SYMPK: variants seen among roughly 807,000 people sequenced by gnomAD.
The protein encoded by SYMPK is symplekin scaffold protein, also known as symplekin.
In SYMPK, 49 loss-of-function variants were observed where a neutral mutation model predicts 136.4. That is an observed-to-expected ratio of 0.36 (90% CI 0.29 to 0.46). SYMPK has a LOEUF of 0.46. Among genes scored for constraint, SYMPK ranks in the 20% least tolerant of loss-of-function variants. SYMPK has a pLI of 1.00. For missense variants in SYMPK, 1,365 were observed against 1,690.0 expected (o/e 0.81, Z 3.37); for synonymous variants, 766 against 713.0 (o/e 1.07, Z -1.19).
chr19:45,850,796 A>G (rs918403738), intron 5 of SYMPK, among the ~76,000 whole-genome samples: 12 of 152,228 alleles, frequency 7.9e-5, no homozygotes, highest in African/African-American at 1.2e-4. Context: ...CACAGAGCTG[A>G]TATTTTGCGG....
rs1210436548 is a variant in SYMPK, at chr19:45,825,243, G to A, written c.2418C>T (p.His806=). The A allele has an allele frequency of 2.0e-5, 32 of 1,614,084 alleles. No homozygotes were observed. The East Asian group carries it at 6.5e-4, about 33-fold the overall frequency. ...ALLPQNHKLI[H]ELAAVYTEAI... Reference sequence around the variant, plus strand: ...CTTCAGTGTACACGGCCGCCAGTTCGTGGATCAGCTTGTGGTTCTGAGGCA... The same window carrying A: ...CTTCAGTGTACACGGCCGCCAGTTCATGGATCAGCTTGTGGTTCTGAGGCA... Residue 806 remains histidine (H), a synonymous_variant, in exon 18 of 27, where the codon CAC becomes CAT. Transcript: ENST00000245934.
At chr19:45,857,978 T>C (rs1256479440) in intron 1 of SYMPK, among the ~76,000 whole-genome samples, 1 of 151,958 alleles carries the variant, frequency 6.6e-6, no homozygotes, top group East Asian at 1.9e-4. Context: ...TTTGTATTTT[T>C]AGTAGAGACG....
Position 45,836,104 on chromosome 19 carries a change from C to A in SYMPK, c.1243-876G>T, listed in dbSNP as rs539500323. ...TTATTTATTTATTTATTTTTTGGGA[C>A]GGAATCTCACTCTGTCCCCCAGGCT... is the stretch of plus-strand genomic sequence containing the variant. On this transcript the variant is annotated intron_variant, in intron 10 of 26. Transcript: ENST00000245934. Among the ~76,000 whole-genome samples the A allele has an allele frequency of 3.3e-4, 50 of 151,548 alleles. No individual in the cohort carries two copies. The South Asian group carries it at 0.01, about 31-fold the overall frequency.
intron 22 of SYMPK, 120 bp from the exon 23 acceptor site, chr19:45,818,266 A>G (rs1970802023): frequency 9.0e-7 from 1 of 1,107,114 alleles, no homozygotes. Flanking sequence ...TGACTTCTAA[A>G]GCCCCTGCGG....
intron 7 of SYMPK, 115 bp from the exon 8 acceptor site, chr19:45,844,315 G>C (rs1177583063): frequency 2.5e-6 from 2 of 799,946 alleles, no homozygotes; most frequent in Non-Finnish European, 3.7e-6. Context: ...GTCTATGAAT[G>C]GCGGGAAAAA....
rs111954301 is a variant in SYMPK at position 45,822,494 on chromosome 19, G to T, written c.2791+262C>A. On this transcript the variant is annotated intron_variant, in intron 21 of 26. Transcript: ENST00000245934. ...CCGGGCCTGAGAGGGGCTGGTGTGT[G>T]GCCAGATCCTAAAAGGGAAGATGCT... Among the ~76,000 whole-genome samples the T allele has an allele frequency of 7.0e-3, 1,059 of 152,310 alleles. 11 individuals carry two copies. Among genetic ancestry groups the T allele is most frequent in the Middle Eastern group, 0.014 (4 of 294 alleles).
Position 45,830,069 on chromosome 19 carries a change from G to A in SYMPK, c.1734C>T (p.Cys578=), listed in dbSNP as rs769914276. 1 of 1,554,300 alleles carries A rather than the reference G, an allele frequency of 6.4e-7. No homozygotes were observed. The highest frequency in any genetic ancestry group is 8.7e-7 in the Non-Finnish European group (1 of 1,147,830). Reference sequence around the variant, plus strand: ...AGGCGCACACCTGGGCTGCCCCGCTGCAGGCCACAGCCTTCTCAGCCCGCA... The same window carrying A: ...AGGCGCACACCTGGGCTGCCCCGCTACAGGCCACAGCCTTCTCAGCCCGCA... The part of the protein sequence containing the change: ...RILRAEKAVA[C]SGAAQVRIKI... Residue 578 remains cysteine, a synonymous_variant, in exon 13 of 27, where the codon TGC becomes TGT. Coordinates refer to ENST00000245934, the MANE Select transcript of SYMPK (RefSeq NM_004819.3).
At chr19:45,831,310 C>G in intron 12 of SYMPK, 74 bp downstream of exon 12, 1 of 1,283,294 alleles carries the variant, frequency 7.8e-7, no homozygotes, top group African/African-American at 1.5e-5. Context: ...CGCACACGCA[C>G]ACGCACACGA....
intron 1 of SYMPK, among the ~76,000 whole-genome samples, chr19:45,857,474 C>T (rs1971854744): frequency 2.1e-5 from 3 of 145,930 alleles, no homozygotes; most frequent in Admixed American, 2.1e-4. Context: ...AAACAATAAT[C>T]TGAGGACGGT....
rs1971173775 is a variant in SYMPK, at chr19:45,831,521, G to T, written c.1461C>A (p.Val487=). 11 of 1,611,544 alleles carry T rather than the reference G, an allele frequency of 6.8e-6. No homozygotes were observed. The highest frequency in any genetic ancestry group is 9.3e-6 in the Non-Finnish European group (11 of 1,179,126). ...GGGCTGACAGGCGCCGCTTGATCAG[G>T]ACGCTCTCTGTCTTCACCACCTTCT... ...KEEKVVKTES[V]LIKRRLSAQG... is the part of the protein sequence containing the mutation. Residue 487 remains valine, a synonymous_variant, in exon 12 of 27, where the codon GTC becomes GTA. Coordinates refer to ENST00000245934, the MANE Select transcript of SYMPK (RefSeq NM_004819.3).
rs1444844736 is a variant in SYMPK, at chr19:45,823,359, T to G, written c.2700+13A>C. 3 of 1,613,316 alleles carry G rather than the reference T, an allele frequency of 1.9e-6. No homozygotes were observed. Among genetic ancestry groups the G allele is most frequent in the Non-Finnish European group, 2.5e-6 (3 of 1,179,632 alleles). On this transcript the variant is annotated intron_variant, in intron 20 of 26. Coordinates refer to ENST00000245934, the MANE Select transcript of SYMPK (RefSeq NM_004819.3). ...CCCAGGTAGCAGGGACAAACAGGCCTCCAGCTCCATACCTTCTCCAGCCCA... is the reference window on the plus strand; with the variant it reads ...CCCAGGTAGCAGGGACAAACAGGCCGCCAGCTCCATACCTTCTCCAGCCCA...
Position 45,815,505 on chromosome 19 carries a change from G to A in SYMPK, c.*55C>T, listed in dbSNP as rs1970702012. 1.1e-6 allele frequency: 1 copy of A among 947,194 alleles called. No individual in the cohort carries two copies. Among genetic ancestry groups the A allele is most frequent in the Non-Finnish European group, 1.5e-6 (1 of 684,902 alleles). The allele number at this position is 947,194 out of a possible 1,614,324, so 58.7% of individuals were successfully genotyped here. Reference sequence around the variant, plus strand: ...GCAAAGCACCCGCAGGTCAAGCCCCGCCCCGTCCCCCAGCCCCGAGTCCCT... The same window carrying A: ...GCAAAGCACCCGCAGGTCAAGCCCCACCCCGTCCCCCAGCCCCGAGTCCCT... On this transcript the variant is annotated 3_prime_UTR_variant, in exon 27 of 27. Coordinates refer to ENST00000245934, the MANE Select transcript of SYMPK (RefSeq NM_004819.3).
intron 16 of SYMPK, among the ~76,000 whole-genome samples, chr19:45,827,227 A>G (rs1971062215): frequency 6.6e-6 from 1 of 152,242 alleles, no homozygotes; most frequent in Non-Finnish European, 1.5e-5. Flanking sequence ...CGGGTGGACT[A>G]AGAGCGAGAG....
chr19:45,827,253 C>T (rs1467123026), intron 16 of SYMPK, among the ~76,000 whole-genome samples: 1 of 152,230 alleles, frequency 6.6e-6, no homozygotes, highest in East Asian at 1.9e-4. Context: ...CTGCCCTTCC[C>T]AGGAGGGCAA....
chr19:45,821,618 G>A lies in SYMPK; in HGVS notation c.2792-133C>T. The A allele has an allele frequency of 1.5e-6, 1 of 665,558 alleles. No individual in the cohort carries two copies. The highest frequency in any genetic ancestry group is 2.6e-6 in the Non-Finnish European group (1 of 378,730). 41.2% of individuals were successfully genotyped at this position (665,558 alleles called of 1,614,324 possible). On this transcript the variant is annotated intron_variant, in intron 21 of 26. Transcript: ENST00000245934. This position sits in a 1 kb window ranked among gnomAD's most constrained non-coding sequence, Gnocchi z 4.4. ...CTCTGCTTTCAGGGCTGGAACAGGG[G>A]AAGCGACTGACAACATAAAAAGGGG...
chr19:45,843,619 C>T (rs570822196), intron 8 of SYMPK, among the ~76,000 whole-genome samples: 38 of 152,212 alleles, frequency 2.5e-4, no homozygotes, highest in African/African-American at 6.7e-4. Context: ...GACTAGCGCT[C>T]GGGGTCCACC....
intron 7 of SYMPK, among the ~76,000 whole-genome samples, chr19:45,846,888 G>T (rs918921780): frequency 6.6e-6 from 1 of 151,784 alleles, no homozygotes; most frequent in Non-Finnish European, 1.5e-5. Context: ...CTGCCTCCTG[G>T]GTTCAAGCGA....
chr19:45,848,709 A>AT (rs1475049088), intron 6 of SYMPK, 41 bp downstream of exon 6: 13 of 1,611,238 alleles, frequency 8.1e-6, no homozygotes, highest in Non-Finnish European at 1.1e-5. Flanking sequence ...TCAACGAGAC[A>AT]TATCAGGCAG....
At chr19:45,857,200 G>A (rs1055264624) in intron 1 of SYMPK, among the ~76,000 whole-genome samples, 17 of 151,840 alleles carry the variant, frequency 1.1e-4, no homozygotes, top group African/African-American at 4.1e-4. Context: ...CGGAGGTCAG[G>A]AGATCGAGAC....
Sources: gnomAD v4.1 joint callset for allele counts (sites outside exome capture counted in the v4.1 genomes callset) on GRCh38, gnomAD v4.1.1 for gene constraint, Gnocchi (gnomAD v3.1) non-coding constraint, MANE v1.5 for transcripts, NCBI Gene and HGNC (gene_info 2026-07-23, HGNC 2026-07-21) for gene names.